Variants in GPATCH8 observed in about 807,000 individuals in gnomAD.
GPATCH8 encodes G-patch domain containing 8.
GPATCH8 carries 18 observed loss-of-function variants against 118.3 expected under a neutral mutation model. The observed-to-expected ratio is 0.15, with a 90% CI of 0.11 to 0.23. GPATCH8 has a LOEUF of 0.23. Ranked by LOEUF, GPATCH8 falls within the 10% of genes least tolerant of loss-of-function variation. GPATCH8 has a pLI of 1.00. For missense variants in GPATCH8, 1,631 were observed against 1,873.8 expected (o/e 0.87, Z 2.39); for synonymous variants, 659 against 684.7 (o/e 0.96, Z 0.59).
At chr17:44,478,413 G>A (rs1303969450) in intron 1 of GPATCH8, among the ~76,000 whole-genome samples, 2 of 152,128 alleles carry the variant, frequency 1.3e-5, no homozygotes, top group African/African-American at 4.8e-5. Context: ...ACTTCGGGAG[G>A]CTGAAGTGGG....
At chr17:44,437,995 G>A (rs1041699709) in intron 3 of GPATCH8, among the ~76,000 whole-genome samples, 2 of 145,176 alleles carry the variant, frequency 1.4e-5, no homozygotes, top group African/African-American at 5.1e-5. Context: ...CCTTCTTTTA[G>A]ATACAATCAA....
intron 6 of GPATCH8, among the ~76,000 whole-genome samples, chr17:44,413,319 G>A (rs2049518950): frequency 6.6e-6 from 1 of 152,134 alleles, no homozygotes; most frequent in East Asian, 1.9e-4. Flanking sequence ...CACCCAGGAT[G>A]GAGTACAGTG....
rs201081173 is a variant in GPATCH8, at chr17:44,398,983, G to A, written c.3094C>T (p.Arg1032Cys). 65 of 1,614,008 alleles carry A rather than the reference G, an allele frequency of 4.0e-5. No homozygotes were observed. Among genetic ancestry groups the A allele is most frequent in the South Asian group, 1.6e-4 (15 of 91,074 alleles). Residue 1032 changes from arginine (R) to cysteine (C), a missense_variant, in exon 8 of 8, where the codon CGC (arginine) becomes TGC (cysteine). Arg to Cys is a radical substitution (Grantham distance 180). Around this residue, in one of 8 missense-constraint regions of GPATCH8, gnomAD observed 922 missense variants for 879.7 expected, o/e 1.05. Transcript: ENST00000591680. ...CGGAAATAGTGGGGGGACTGGGAGC[G>A]GTAGATCTTAGAACGAATGAAGTCC... Reference protein sequence around the residue: ...RRDFIRSKIYRSQSPHYFRSG... With the variant: ...RRDFIRSKIYCSQSPHYFRSG...
chr17:44,437,619 T>C (rs903345729), intron 3 of GPATCH8, among the ~76,000 whole-genome samples: 1 of 151,526 alleles, frequency 6.6e-6, no homozygotes, highest in African/African-American at 2.4e-5. Context: ...AAAATGGAGT[T>C]TTCTTAGGCT....
chr17:44,404,055 G>T (rs1238934024), intron 7 of GPATCH8, among the ~76,000 whole-genome samples: 1 of 152,016 alleles, frequency 6.6e-6, no homozygotes, highest in African/African-American at 2.4e-5. Flanking sequence ...AACAGATTTG[G>T]AGAGCAAGAA....
At chr17:44,485,215 C>T (rs2144434986) in intron 1 of GPATCH8, among the ~76,000 whole-genome samples, 1 of 152,220 alleles carries the variant, frequency 6.6e-6, no homozygotes, top group South Asian at 2.1e-4. Flanking sequence ...GTGATTCTCC[C>T]ACTTCAGCCC....
chr17:44,397,361 AGAG>A lies in GPATCH8; in HGVS notation c.*204_*206del, dbSNP rs567097021. On this transcript the variant is annotated 3_prime_UTR_variant, in exon 8 of 8. Transcript: ENST00000591680. The stretch of plus-strand genomic sequence containing the variant: ...ACACAGAAGAGGGAGGGACAAATTG[AGAG>A]GAGGACAGGAAAAAGAAATCCCTGA... 793 of 687,122 alleles carry A rather than the reference AGAG, an allele frequency of 1.2e-3. 1 individual carries two copies. Among genetic ancestry groups the A allele is most frequent in the Admixed American group, 1.9e-3 (94 of 49,486 alleles). The allele number at this position is 687,122 out of a possible 1,614,324, so 42.6% of individuals were successfully genotyped here.
chr17:44,427,439 G>T (rs1383841486), intron 5 of GPATCH8, among the ~76,000 whole-genome samples: 1 of 151,892 alleles, frequency 6.6e-6, no homozygotes, highest in Non-Finnish European at 1.5e-5. Flanking sequence ...CAAAAGAACT[G>T]GCAGACTGCT....
At chr17:44,476,099 G>A (rs1967753286) in intron 1 of GPATCH8, among the ~76,000 whole-genome samples, 3 of 152,132 alleles carry the variant, frequency 2.0e-5, no homozygotes, top group Non-Finnish European at 2.9e-5. Flanking sequence ...CCTAACAAGT[G>A]TTGAAATTGT....
chr17:44,396,716 T>C lies in GPATCH8; in HGVS notation c.*852A>G. On this transcript the variant is annotated 3_prime_UTR_variant, in exon 8 of 8. Transcript: ENST00000591680. ...CAGTATACTACAAATATGGAACCTT[T>C]TTTATATGAGCTACAAAAAGCAGCA... The C allele has an allele frequency of 4.5e-6, 2 of 446,052 alleles. No homozygotes were observed. The highest frequency in any genetic ancestry group is 8.9e-6 in the Non-Finnish European group (2 of 224,648). The allele number at this position is 446,052 out of a possible 1,614,324, so 27.6% of individuals were successfully genotyped here.
chr17:44,431,113 G>A (rs552910382), intron 5 of GPATCH8, among the ~76,000 whole-genome samples: 203 of 151,770 alleles, frequency 1.3e-3, no homozygotes, highest in African/African-American at 4.7e-3. Context: ...GCTCACGCCT[G>A]TAATCCCAGC....
chr17:44,480,053 T>A (rs1363537103), intron 1 of GPATCH8, among the ~76,000 whole-genome samples: 1 of 151,120 alleles, frequency 6.6e-6, no homozygotes, highest in Non-Finnish European at 1.5e-5. Context: ...AACCAATGAA[T>A]GCTGAACAAA....
At chr17:44,484,331 C>A (rs772852639) in intron 1 of GPATCH8, among the ~76,000 whole-genome samples, 1 of 152,120 alleles carries the variant, frequency 6.6e-6, no homozygotes. Flanking sequence ...ATTTAGTTTT[C>A]ATTTTAAAAG....
Position 44,400,017 on chromosome 17 carries a change from T to C in GPATCH8, c.2060A>G (p.His687Arg), listed in dbSNP as rs61744303. The C allele has an allele frequency of 0.011, 18,034 of 1,614,094 alleles. 129 individuals are homozygous for C. The highest frequency in any genetic ancestry group is 0.013 in the Non-Finnish European group (15,130 of 1,179,966). Residue 687 changes from histidine to arginine, a missense_variant, in exon 8 of 8, where the codon CAC (histidine) becomes CGC (arginine). Transcript: ENST00000591680. ...KKKKHKKSSK[H>R]KRKHKADTEE... ...TGTGTCAGCCTTGTGTTTACGTTTG[T>C]GTTTGCTGGATTTTTTGTGCTTCTT... is the stretch of plus-strand genomic sequence containing the variant.
At position 44,400,454 on chromosome 17, in the gene GPATCH8, C is replaced by G; in HGVS notation, c.1623G>C (p.Leu541Phe). The change falls in exon 8 of 8, where the codon TTG becomes TTC. Residue 541 changes from leucine to phenylalanine, a missense_variant. Physicochemically the swap from Leu to Phe is conservative, Grantham distance 22. Coordinates refer to ENST00000591680, the MANE Select transcript of GPATCH8 (RefSeq NM_001002909.4). ...KHPTGPFFPV[L>F]SKDESTALQW... ...GGAGGGCAGTGCTTTCATCTTTGCT[C>G]AAAACTGGGAAGAAGGGACCAGTAG... 1 of 1,614,174 alleles carries G rather than the reference C, an allele frequency of 6.2e-7. No individual in the cohort carries two copies. The highest frequency in any genetic ancestry group is 8.5e-7 in the Non-Finnish European group (1 of 1,180,022).
intron 5 of GPATCH8, among the ~76,000 whole-genome samples, chr17:44,428,519 G>A (rs1319478226): frequency 6.7e-6 from 1 of 148,662 alleles, no homozygotes; most frequent in Non-Finnish European, 1.5e-5. Context: ...AGTACTTGTA[G>A]AGGCCAGGCA....
chr17:44,435,134 A>G lies in GPATCH8; in HGVS notation c.279T>C (p.Asp93=). 1 of 1,486,194 alleles carries G rather than the reference A, an allele frequency of 6.7e-7. No individual in the cohort carries two copies. The highest frequency in any genetic ancestry group is 9.4e-7 in the Non-Finnish European group (1 of 1,063,246). 92.1% of individuals were successfully genotyped at this position (1,486,194 alleles called of 1,614,324 possible). Residue 93 remains aspartate (D), a synonymous_variant, in exon 5 of 8, where the codon GAT becomes GAC. Coordinates refer to ENST00000591680, the MANE Select transcript of GPATCH8 (RefSeq NM_001002909.4). ...CTAGGACACGGCGCCGTTCGGTAGC[A>G]TCTTCAGCATAATCAAGCTTGACAA... ...RMEMELDYAE[D]ATERRRVLEV... is the part of the protein sequence containing the mutation.
intron 5 of GPATCH8, among the ~76,000 whole-genome samples, chr17:44,434,047 C>A (rs1298279474): frequency 2.0e-5 from 3 of 151,504 alleles, no homozygotes; most frequent in African/African-American, 7.3e-5. Flanking sequence ...GGCTAAGGCA[C>A]GAGAATCACT....
intron 1 of GPATCH8, among the ~76,000 whole-genome samples, chr17:44,494,920 TTC>T (rs1471854069): frequency 2.6e-5 from 4 of 152,358 alleles, no homozygotes; most frequent in Non-Finnish European, 4.4e-5. Flanking sequence ...AAAAAACAAA[TTC>T]TGTTTGTTCC....
Sources: allele counts gnomAD v4.1 joint callset (sites outside exome capture counted in the v4.1 genomes callset), GRCh38; gene constraint gnomAD v4.1.1; regional missense constraint gnomAD v4.1.1; transcripts MANE v1.5; gene names NCBI Gene and HGNC (gene_info 2026-07-23, HGNC 2026-07-21).